Variants in CPNE5 observed in about 807,000 individuals in gnomAD.
CPNE5 encodes copine 5.
CPNE5 carries 42 observed loss-of-function variants against 81.1 expected under a neutral mutation model. The observed-to-expected ratio is 0.52, with a 90% CI of 0.40 to 0.67. The LOEUF (loss-of-function observed/expected upper bound fraction) is 0.67, where lower values mean the gene tolerates loss of function less well. Among genes scored for constraint, CPNE5 ranks in the 30% least tolerant of loss-of-function variants. The pLI, the probability that CPNE5 is intolerant of heterozygous loss-of-function variation, is 0.00. For synonymous variants in CPNE5, 313 were observed against 321.5 expected (o/e 0.97, Z 0.28); for missense variants, 612 against 815.5 (o/e 0.75, Z 3.04).
intron 10 of CPNE5, among the ~76,000 whole-genome samples, chr6:36,771,347 C>A (rs1033639414): frequency 6.6e-6 from 1 of 152,222 alleles, no homozygotes; most frequent in African/African-American, 2.4e-5. Flanking sequence ...CCTGGTTCTA[C>A]CACCGGCTGG....
At chr6:36,806,730 C>T (rs1770626132) in intron 3 of CPNE5, among the ~76,000 whole-genome samples, 1 of 152,228 alleles carries the variant, frequency 6.6e-6, no homozygotes, top group African/African-American at 2.4e-5. Flanking sequence ...CCAAGACAGC[C>T]CCTGCCTCCA....
chr6:36,801,498 C>T (rs566516334), intron 3 of CPNE5, among the ~76,000 whole-genome samples: 5 of 152,256 alleles, frequency 3.3e-5, no homozygotes, highest in East Asian at 1.9e-4. Flanking sequence ...CCCATCAAAG[C>T]GGCTCTCTTT....
At position 36,746,700 on chromosome 6, in the gene CPNE5, C is replaced by T; in HGVS notation, c.1019-123G>A. The T allele has an allele frequency of 1.3e-6, 1 of 792,276 alleles. No homozygotes were observed. The highest frequency in any genetic ancestry group is 2.0e-6 in the Non-Finnish European group (1 of 500,328). 49.1% of individuals were successfully genotyped at this position (792,276 alleles called of 1,614,324 possible). On this transcript the variant is annotated intron_variant, in intron 15 of 20. Transcript: ENST00000244751. The surrounding 1 kb of genome is among the most constrained non-coding windows in gnomAD (Gnocchi z 4.5). The stretch of plus-strand genomic sequence containing the variant: ...TTATTAATTCTTGACTCCTCTCTTT[C>T]TCTCATACCCCATGTTAAATCCTTC...
chr6:36,824,887 A>G (rs1772369404), intron 1 of CPNE5, among the ~76,000 whole-genome samples: 1 of 152,226 alleles, frequency 6.6e-6, no homozygotes, highest in Non-Finnish European at 1.5e-5. Flanking sequence ...TGGAGGTTGC[A>G]GTGAGCTGAG....
intron 10 of CPNE5, among the ~76,000 whole-genome samples, chr6:36,772,167 TC>T (rs762315870): frequency 6.1e-4 from 92 of 152,026 alleles, no homozygotes; most frequent in Non-Finnish European, 1.0e-3. Flanking sequence ...GGGCCAGGGA[TC>T]CCCAATTCCT....
chr6:36,838,572 T>C (rs1369970912), intron 1 of CPNE5: 2 of 166,662 alleles, frequency 1.2e-5, no homozygotes, highest in Admixed American at 1.3e-4. Flanking sequence ...ACAAAAATAT[T>C]CCCCCTCCTC....
intron 2 of CPNE5, among the ~76,000 whole-genome samples, chr6:36,822,401 G>C (rs898682893): frequency 2.0e-5 from 3 of 152,086 alleles, no homozygotes; most frequent in South Asian, 4.1e-4. Flanking sequence ...TAGATGCACC[G>C]ATTCGGAGGG....
chr6:36,822,174 A>G lies in CPNE5; in HGVS notation c.137-14T>C. ...ACATGACGCACACTGCGGGGGGAGG[A>G]GAAACAGTGGATTAATACCTCAGGC... is the stretch of plus-strand genomic sequence containing the variant. On this transcript the variant is annotated splice_polypyrimidine_tract_variant and intron_variant, in intron 2 of 20. Coordinates refer to ENST00000244751, the MANE Select transcript of CPNE5 (RefSeq NM_020939.2). 1 of 1,495,474 alleles carries G rather than the reference A, an allele frequency of 6.7e-7. No individual in the cohort carries two copies. Among genetic ancestry groups the G allele is most frequent in the Non-Finnish European group, 9.0e-7 (1 of 1,109,938 alleles). The allele number at this position is 1,495,474 out of a possible 1,614,324, so 92.6% of individuals were successfully genotyped here. A position where few individuals can be genotyped will look rare whatever the true frequency, so the allele number is the denominator to read the frequency against.
chr6:36,830,628 C>T (rs1772906880), intron 1 of CPNE5, among the ~76,000 whole-genome samples: 1 of 152,206 alleles, frequency 6.6e-6, no homozygotes, highest in Admixed American at 6.5e-5. Context: ...TTGTCCCTCT[C>T]ACACTACATG....
At chr6:36,745,942 C>T (rs989983253) in intron 16 of CPNE5, among the ~76,000 whole-genome samples, 4 of 152,126 alleles carry the variant, frequency 2.6e-5, no homozygotes, top group African/African-American at 9.7e-5. Flanking sequence ...GTCCCCAGCT[C>T]GTGGGAGCCA....
intron 15 of CPNE5, among the ~76,000 whole-genome samples, chr6:36,747,617 A>G (rs1196351144): frequency 1.3e-5 from 2 of 152,214 alleles, no homozygotes. Context: ...AGACCTGGGC[A>G]TTTTTGATTG....
At chr6:36,831,238 A>G (rs1772962480) in intron 1 of CPNE5, among the ~76,000 whole-genome samples, 1 of 151,706 alleles carries the variant, frequency 6.6e-6, no homozygotes, top group South Asian at 2.1e-4. Flanking sequence ...TATTTTCAGT[A>G]GAGATGTGGT....
At position 36,800,391 on chromosome 6, in the gene CPNE5, A is replaced by G. The variant is rs111458487; in HGVS notation, c.184-321T>C. ...GCCAGTGGCATATCCTCATTCCTTC[A>G]AGGCCTGATGTAAATGCCACCTCCT... is the stretch of plus-strand genomic sequence containing the variant. On this transcript the variant is annotated intron_variant, in intron 3 of 20. Coordinates refer to ENST00000244751, the MANE Select transcript of CPNE5 (RefSeq NM_020939.2). Among the ~76,000 whole-genome samples the G allele has an allele frequency of 5.2e-3, 791 of 152,092 alleles. 4 individuals are homozygous for G. Among genetic ancestry groups the G allele is most frequent in the Non-Finnish European group, 8.3e-3 (564 of 67,974 alleles).
intron 11 of CPNE5, among the ~76,000 whole-genome samples, chr6:36,764,858 TC>T (rs1191185045): frequency 1.3e-5 from 2 of 152,154 alleles, no homozygotes; most frequent in African/African-American, 4.8e-5. Flanking sequence ...ACAATTGGCC[TC>T]CCTGCTAGGT....
At chr6:36,809,392 A>G (rs1770895637) in intron 3 of CPNE5, among the ~76,000 whole-genome samples, 1 of 152,134 alleles carries the variant, frequency 6.6e-6, no homozygotes, top group Non-Finnish European at 1.5e-5. Flanking sequence ...CCTGGGCAAC[A>G]TAGTGAGATC....
chr6:36,771,653 G>A (rs1195901767), intron 10 of CPNE5, among the ~76,000 whole-genome samples: 1 of 152,170 alleles, frequency 6.6e-6, no homozygotes, highest in African/African-American at 2.4e-5. Context: ...GACTGGCTTG[G>A]AAGACACGGC....
rs185801393 is a variant in CPNE5, at chr6:36,807,320, C to T, written c.184-7250G>A. On this transcript the variant is annotated intron_variant, in intron 3 of 20. Transcript: ENST00000244751. Reference sequence around the variant, plus strand: ...CTGGTTATGTGACCTTGGGCAAATGCCTTTACCTCTCTGTGCCTCAGTTTC... The same window carrying T: ...CTGGTTATGTGACCTTGGGCAAATGTCTTTACCTCTCTGTGCCTCAGTTTC... Among the ~76,000 whole-genome samples, 203 of 152,288 alleles carry T rather than the reference C, an allele frequency of 1.3e-3. 1 individual carries two copies. Among genetic ancestry groups the T allele is most frequent in the African/African-American group, 4.5e-3 (189 of 41,548 alleles).
intron 8 of CPNE5, among the ~76,000 whole-genome samples, chr6:36,783,507 T>C (rs1486292088): frequency 6.9e-6 from 1 of 144,022 alleles, no homozygotes; most frequent in Non-Finnish European, 1.5e-5. Context: ...ATTCCTTTTT[T>C]GTTTTTCAGA....
chr6:36,832,395 C>A (rs1215521048), intron 1 of CPNE5, among the ~76,000 whole-genome samples: 1 of 152,132 alleles, frequency 6.6e-6, no homozygotes, highest in Non-Finnish European at 1.5e-5. Flanking sequence ...GCACATGAGA[C>A]CCAGCTTTGG....
Sources: allele counts gnomAD v4.1 joint callset (sites outside exome capture counted in the v4.1 genomes callset), GRCh38; gene constraint gnomAD v4.1.1; non-coding constraint Gnocchi (gnomAD v3.1); transcripts MANE v1.5; gene names NCBI Gene and HGNC (gene_info 2026-07-23, HGNC 2026-07-21).